The following MAPK10 variants were observed in gnomAD, a reference collection of about 807,000 sequenced individuals.
MAPK10 encodes the protein JNK3 alpha protein kinase.
A neutral mutation model predicts 59.3 loss-of-function variants in MAPK10; 25 were observed. The ratio of observed to expected loss-of-function variants is 0.42; its 90% CI spans 0.31 to 0.59. The LOEUF is 0.59. Among genes scored for constraint, MAPK10 ranks in the 20% least tolerant of loss-of-function variants. The pLI, the probability that MAPK10 is intolerant of heterozygous loss-of-function variation, is 0.15. For synonymous variants in MAPK10, 190 were observed against 200.5 expected, an observed-to-expected ratio of 0.95 and a Z score of 0.44; for missense variants, 351 against 568.9, an observed-to-expected ratio of 0.62 and a Z score of 3.90.
At chr4:86,422,918 C>A (rs993373339) in intron 1 of MAPK10, among the ~76,000 whole-genome samples, 6 of 152,098 alleles carry the variant, frequency 3.9e-5, no homozygotes, top group African/African-American at 1.4e-4. Flanking sequence ...AATTTTAATT[C>A]TTTCTCCAGT....
chr4:86,589,748 A>G (rs1038421828), intron 1 of MAPK10, among the ~76,000 whole-genome samples: 1 of 152,024 alleles, frequency 6.6e-6, no homozygotes, highest in Non-Finnish European at 1.5e-5. Context: ...AGCTAAACCT[A>G]CAGATGTACA....
At chr4:86,205,685 T>C (rs1485521110) in intron 2 of MAPK10, among the ~76,000 whole-genome samples, 1 of 151,976 alleles carries the variant, frequency 6.6e-6, no homozygotes, top group East Asian at 1.9e-4. Context: ...TATAATTCAA[T>C]ATATTTAACA....
chr4:86,529,265 C>G (rs1757693759), intron 1 of MAPK10, among the ~76,000 whole-genome samples: 1 of 152,168 alleles, frequency 6.6e-6, no homozygotes, highest in African/African-American at 2.4e-5. Context: ...GCATTCTCCA[C>G]AGGTGAGCCC....
chr4:86,177,926 T>C (rs1177040390), intron 3 of MAPK10, among the ~76,000 whole-genome samples: 1 of 152,102 alleles, frequency 6.6e-6, no homozygotes, highest in Admixed American at 6.6e-5. Context: ...AGTCATCTAA[T>C]AATATTTCAT....
chr4:86,294,087 C>G (rs542405076), intron 2 of MAPK10, among the ~76,000 whole-genome samples: 2 of 152,340 alleles, frequency 1.3e-5, no homozygotes, highest in African/African-American at 2.4e-5. Context: ...CACGGACATA[C>G]ACCCGGCTTC....
chr4:86,437,878 A>G (rs1748952772), intron 1 of MAPK10, among the ~76,000 whole-genome samples: 1 of 152,234 alleles, frequency 6.6e-6, no homozygotes, highest in Non-Finnish European at 1.5e-5. Flanking sequence ...AATAAACTGT[A>G]CTATGCTCAC....
chr4:86,210,994 G>C (rs928888787), intron 2 of MAPK10, among the ~76,000 whole-genome samples: 2 of 151,674 alleles, frequency 1.3e-5, no homozygotes. Flanking sequence ...GCAGAGTAAA[G>C]AATCAATGAA....
chr4:86,537,722 C>T (rs948710471), intron 1 of MAPK10, among the ~76,000 whole-genome samples: 7 of 152,136 alleles, frequency 4.6e-5, no homozygotes, highest in African/African-American at 1.7e-4. Context: ...ATTTTGCCAA[C>T]CACTCCTTTC....
intron 4 of MAPK10, among the ~76,000 whole-genome samples, chr4:86,114,246 C>T (rs1396216751): frequency 6.6e-6 from 1 of 152,226 alleles, no homozygotes; most frequent in East Asian, 1.9e-4. Context: ...CACCCCAGTT[C>T]TGTGCCCCCA....
In MAPK10 at chr4:86,479,973, A is replaced by C. The variant is rs150868986; in HGVS notation, c.-263+113937T>G. On this transcript the variant is annotated intron_variant, in intron 1 of 4. Transcript: ENST00000502302. ...GCATCCCTGAGAAACATCGCCCATT[A>C]TCTCTCCATACCACCCCCAAAAATT... 8.5e-4 allele frequency among the ~76,000 whole-genome samples: 129 copies of C among 152,052 alleles called. No individual in the cohort carries two copies. The East Asian group carries it at 0.016, about 19-fold the overall frequency.
chr4:86,309,431 T>C (rs913445894), intron 2 of MAPK10, among the ~76,000 whole-genome samples: 2 of 152,144 alleles, frequency 1.3e-5, no homozygotes, highest in African/African-American at 4.8e-5. Flanking sequence ...GCTCAGGAAC[T>C]AAAGACCAAG....
chr4:86,038,000 C>T (rs1448428559), intron 11 of MAPK10, among the ~76,000 whole-genome samples: 2 of 152,232 alleles, frequency 1.3e-5, no homozygotes, highest in African/African-American at 4.8e-5. Flanking sequence ...ATCATACAAG[C>T]AGTCAACACT....
chr4:86,411,579 G>C (rs554116786), intron 1 of MAPK10, among the ~76,000 whole-genome samples: 1 of 151,810 alleles, frequency 6.6e-6, no homozygotes, highest in South Asian at 2.1e-4. Context: ...TATGAATCTG[G>C]GCTCCTGTAT....
At chr4:86,503,538 C>T (rs1325613183) in intron 1 of MAPK10, among the ~76,000 whole-genome samples, 1 of 152,072 alleles carries the variant, frequency 6.6e-6, no homozygotes, top group African/African-American at 2.4e-5. Context: ...CCTTAGTAAC[C>T]TCTCCATTGC....
At chr4:86,050,791 T>C (rs1475694059) in intron 11 of MAPK10, among the ~76,000 whole-genome samples, 1 of 151,998 alleles carries the variant, frequency 6.6e-6, no homozygotes. Flanking sequence ...GAAAAAGAAG[T>C]GGTAACAGAT....
chr4:86,567,182 T>G (rs1761115185), intron 1 of MAPK10, among the ~76,000 whole-genome samples: 1 of 152,180 alleles, frequency 6.6e-6, no homozygotes, highest in African/African-American at 2.4e-5. Flanking sequence ...AAAAGTATAA[T>G]TTTTCATACT....
intron 1 of MAPK10, among the ~76,000 whole-genome samples, chr4:86,374,531 A>ATG (rs1176351916): frequency 5.3e-5 from 8 of 152,230 alleles, no homozygotes; most frequent in African/African-American, 1.9e-4. Context: ...GGTGGCAGTC[A>ATG]GAGCAGCTAT....
At chr4:86,556,949 G>A (rs898646180) in intron 1 of MAPK10, among the ~76,000 whole-genome samples, 1 of 151,940 alleles carries the variant, frequency 6.6e-6, no homozygotes, top group Non-Finnish European at 1.5e-5. Flanking sequence ...TTTCTGAGTG[G>A]GCTGGGCAGT....
intron 2 of MAPK10, among the ~76,000 whole-genome samples, chr4:86,300,156 G>C (rs1329616877): frequency 6.6e-6 from 1 of 152,180 alleles, no homozygotes. Flanking sequence ...GCCTCCAAAA[G>C]TGTTGGAATT....
Sources: gnomAD v4.1 joint callset for allele counts (sites outside exome capture counted in the v4.1 genomes callset) on GRCh38, gnomAD v4.1.1 for gene constraint, MANE v1.5 for transcripts, NCBI Gene and HGNC (gene_info 2026-07-23, HGNC 2026-07-21) for gene names.